The following CACNB2 variants were observed in gnomAD, a reference collection of about 807,000 sequenced individuals.
The protein encoded by CACNB2 is calcium voltage-gated channel auxiliary subunit beta 2.
Under a neutral mutation model 73.3 loss-of-function variants are expected in CACNB2, and 42 were observed. The ratio of observed to expected loss-of-function variants is 0.57; its 90% CI spans 0.45 to 0.74. CACNB2 has a LOEUF of 0.74. Ranked by LOEUF, CACNB2 falls within the 30% of genes least tolerant of loss-of-function variation. The pLI is 0.00. For synonymous variants in CACNB2, 348 were observed against 310.3 expected (o/e 1.12, Z -1.28); for missense variants, 940 against 853.0 (o/e 1.10, Z -1.27).
chr10:18,222,739 C>G (rs7914364), intron 2 of CACNB2, among the ~76,000 whole-genome samples: 95,546 of 151,610 alleles, frequency 0.63, 30,955 homozygotes, highest in Admixed American at 0.71. Context: ...GAGTTCAAGA[C>G]CAGCCTGGCC....
intron 3 of CACNB2, among the ~76,000 whole-genome samples, chr10:18,479,764 T>C (rs2048628683): frequency 6.6e-6 from 1 of 152,172 alleles, no homozygotes; most frequent in African/African-American, 2.4e-5. Context: ...TTGCTTCCCC[T>C]TTGGTCATGA....
At position 18,542,870 on chromosome 10, in the gene CACNB2, G is replaced by A. The variant is rs932490711; in HGVS notation, c.*3146G>A. On this transcript the variant is annotated 3_prime_UTR_variant, in exon 14 of 14. Transcript: ENST00000324631. ...AGTCAACCTAGAAAATGCTGGAAAT[G>A]TATTTAATAGTTTTTTTTTTTTTTT... The A allele has an allele frequency of 3.3e-4, 45 of 135,430 alleles. No homozygotes were observed. The highest frequency in any genetic ancestry group is 1.2e-3 in the African/African-American group (42 of 35,906). 8.4% of individuals were successfully genotyped at this position (135,430 alleles called of 1,614,324 possible). A position where few individuals can be genotyped will look rare whatever the true frequency, so the allele number is the denominator to read the frequency against.
Position 18,356,653 on chromosome 10 carries a change from CAG to C in CACNB2, c.214-45268_214-45267del, listed in dbSNP as rs761298577. ...TTTTCTCCTTCATTTTTTTTTTTAA[CAG>C]AGTCTTACTCTATTGCCCAAGCTAG... On this transcript the variant is annotated intron_variant, in intron 2 of 13. Transcript: ENST00000324631. Among the ~76,000 whole-genome samples, 210 of 150,932 alleles carry C rather than the reference CAG, an allele frequency of 1.4e-3. 2 individuals are homozygous for C. Among genetic ancestry groups the C allele is most frequent in the Middle Eastern group, 3.4e-3 (1 of 294 alleles).
Position 18,150,853 on chromosome 10 carries a change from G to GTATTTTTTTTTTTTTT in CACNB2, c.121-29_121-28insATTTTTTTTTTTTTTT, listed in dbSNP as rs756678637. 2.9e-5 allele frequency: 19 copies of GTATTTTTTTTTTTTTT among 655,472 alleles called. 1 individual carries two copies. The highest frequency in any genetic ancestry group is 3.5e-5 in the Non-Finnish European group (17 of 482,566). 40.6% of individuals were successfully genotyped at this position (655,472 alleles called of 1,614,324 possible). A position where few individuals can be genotyped will look rare whatever the true frequency, so the allele number is the denominator to read the frequency against. ...AAAGGGTCTCATAATAATCTTATTT[G>GTATTTTTTTTTTTTTT]TCTTTTTTTTTTTTTTTTTTTTTTT... On this transcript the variant is annotated intron_variant, in intron 1 of 13. Transcript: ENST00000324631.
intron 3 of CACNB2, among the ~76,000 whole-genome samples, chr10:18,497,403 A>G (rs2049902799): frequency 6.6e-6 from 1 of 152,008 alleles, no homozygotes; most frequent in African/African-American, 2.4e-5. Flanking sequence ...TTATCTGTAA[A>G]TTCTTTTGGT....
At chr10:18,436,701 C>A (rs113536225) in intron 3 of CACNB2, among the ~76,000 whole-genome samples, 159 of 152,288 alleles carry the variant, frequency 1.0e-3, no homozygotes, top group African/African-American at 3.7e-3. Context: ...GGTTCCCATT[C>A]CATGTAGATG....
intron 2 of CACNB2, among the ~76,000 whole-genome samples, chr10:18,258,054 T>G (rs1389074522): frequency 6.6e-6 from 1 of 152,190 alleles, no homozygotes; most frequent in Admixed American, 6.5e-5. Context: ...TCCTCAGTTC[T>G]TATACGTGCC....
At chr10:18,467,380 G>T (rs564709183) in intron 3 of CACNB2, among the ~76,000 whole-genome samples, 31 of 152,304 alleles carry the variant, frequency 2.0e-4, no homozygotes, top group African/African-American at 6.3e-4. Flanking sequence ...AGAGTGTTAA[G>T]TCTAACTTTG....
At chr10:18,340,490 G>GGA (rs879741238) in intron 2 of CACNB2, among the ~76,000 whole-genome samples, 12 of 152,300 alleles carry the variant, frequency 7.9e-5, no homozygotes, top group Admixed American at 3.9e-4. Flanking sequence ...AGCTTATCCA[G>GGA]TTATGCAACC....
intron 3 of CACNB2, among the ~76,000 whole-genome samples, chr10:18,493,140 G>A (rs1252416819): frequency 6.6e-6 from 1 of 152,188 alleles, no homozygotes; most frequent in African/African-American, 2.4e-5. Flanking sequence ...GCATACAGAG[G>A]ATGTGTGCAG....
chr10:18,432,354 C>T (rs2045927933), intron 3 of CACNB2, among the ~76,000 whole-genome samples: 1 of 152,010 alleles, frequency 6.6e-6, no homozygotes, highest in African/African-American at 2.4e-5. Context: ...TCCTGATCTG[C>T]TCATAATCTT....
chr10:18,234,320 GA>G (rs1217695767), intron 2 of CACNB2: 2 of 152,224 alleles, frequency 1.3e-5, no homozygotes, highest in Non-Finnish European at 2.9e-5. Context: ...AGCCACTGCA[GA>G]AAACAGTATG....
intron 2 of CACNB2, among the ~76,000 whole-genome samples, chr10:18,177,610 G>C (rs1271878187): frequency 6.6e-6 from 1 of 151,410 alleles, no homozygotes; most frequent in African/African-American, 2.4e-5. Flanking sequence ...AAGAAAGAAA[G>C]AAAGAGCAAG....
In CACNB2 at chr10:18,498,348, A is replaced by T. The variant is rs779728445; in HGVS notation, c.334-7A>T. 174 of 1,613,930 alleles carry T rather than the reference A, an allele frequency of 1.1e-4. No individual in the cohort carries two copies. Among genetic ancestry groups the T allele is most frequent in the Non-Finnish European group, 1.4e-4 (160 of 1,179,954 alleles). On this transcript the variant is annotated splice_region_variant and splice_polypyrimidine_tract_variant and intron_variant, in intron 3 of 13. Coordinates refer to ENST00000324631, the MANE Select transcript of CACNB2 (RefSeq NM_201596.3). ...TATTTTTTTCCCTCTTCCTTTTCCC[A>T]CTTTAGACAAAGCCCGTTGCATTTG... is the stretch of plus-strand genomic sequence containing the variant.
intron 2 of CACNB2, among the ~76,000 whole-genome samples, chr10:18,247,127 T>C (rs954541608): frequency 6.6e-6 from 1 of 152,178 alleles, no homozygotes; most frequent in African/African-American, 2.4e-5. Context: ...GAGACCCGTC[T>C]GCTATCTCCT....
chr10:18,405,584 C>T (rs1262237351), intron 3 of CACNB2, among the ~76,000 whole-genome samples: 2 of 152,050 alleles, frequency 1.3e-5, no homozygotes, highest in Non-Finnish European at 2.9e-5. Context: ...CTCCTTTGAT[C>T]CTCAAAAACG....
At chr10:18,480,445 T>G (rs2048665281) in intron 3 of CACNB2, among the ~76,000 whole-genome samples, 1 of 152,210 alleles carries the variant, frequency 6.6e-6, no homozygotes, top group South Asian at 2.1e-4. Flanking sequence ...AAAACTTAAG[T>G]GCAATGAATG....
intron 2 of CACNB2, among the ~76,000 whole-genome samples, chr10:18,374,066 G>T (rs968871189): frequency 2.0e-5 from 3 of 152,134 alleles, no homozygotes; most frequent in African/African-American, 7.2e-5. Flanking sequence ...AGCATATCAG[G>T]GATAGATAGA....
intron 3 of CACNB2, among the ~76,000 whole-genome samples, chr10:18,423,996 AAAATT>A (rs1347699052): frequency 6.6e-6 from 1 of 152,042 alleles, no homozygotes; most frequent in Non-Finnish European, 1.5e-5. Flanking sequence ...TTTTTTTTGA[AAAATT>A]AAATAATATA....
Sources: allele counts gnomAD v4.1 joint callset (sites outside exome capture counted in the v4.1 genomes callset), GRCh38; gene constraint gnomAD v4.1.1; transcripts MANE v1.5; gene names NCBI Gene and HGNC (gene_info 2026-07-23, HGNC 2026-07-21).